Variants in SFXN1 observed in about 807,000 individuals in gnomAD.
The protein encoded by SFXN1 is sideroflexin 1.
A neutral mutation model predicts 39.5 loss-of-function variants in SFXN1; 32 were observed. That is an observed-to-expected ratio of 0.81 (90% CI 0.61 to 1.09). The LOEUF (loss-of-function observed/expected upper bound fraction) is 1.09. Ranked by LOEUF, SFXN1 falls within the 50% of genes least tolerant of loss-of-function variation. The pLI, the probability that SFXN1 is intolerant of heterozygous loss-of-function variation, is 0.00. For synonymous variants in SFXN1, 136 were observed against 146.5 expected (o/e 0.93, Z 0.52); for missense variants, 402 against 407.1 (o/e 0.99, Z 0.11).
chr5:175,526,518 C>G, intron 10 of SFXN1, 120 bp from the exon 11 acceptor site: 1 of 698,440 alleles, frequency 1.4e-6, no homozygotes, highest in East Asian at 2.6e-5. Context: ...AGCATTTCTC[C>G]AACAAGACCC....
rs962747318 is a variant in SFXN1, at chr5:175,510,036, T to C, written c.336-73T>C. The C allele has an allele frequency of 7.5e-6, 9 of 1,193,196 alleles. No individual in the cohort carries two copies. In the African/African-American group the frequency reaches 1.1e-4, roughly 14 times the overall value. 73.9% of individuals were successfully genotyped at this position (1,193,196 alleles called of 1,614,324 possible). A position where few individuals can be genotyped will look rare whatever the true frequency, so the allele number is the denominator to read the frequency against. ...AGTACGTCTCCTCTCTGGTTACTGG[T>C]GTTCACGTTTTCTGTTCCATGCCGC... is the stretch of plus-strand genomic sequence containing the variant. On this transcript the variant is annotated intron_variant, in intron 3 of 10. Coordinates refer to ENST00000321442, the MANE Select transcript of SFXN1 (RefSeq NM_022754.7).
At chr5:175,523,251 C>T (rs1760934887) in intron 10 of SFXN1, 1 of 152,258 alleles carries the variant, frequency 6.6e-6, no homozygotes, top group Non-Finnish European at 1.5e-5. Context: ...AAATTTAAAC[C>T]TCATGGACAG....
At chr5:175,516,948 T>C (rs1213534652) in intron 8 of SFXN1, among the ~76,000 whole-genome samples, 1 of 152,218 alleles carries the variant, frequency 6.6e-6, no homozygotes, top group African/African-American at 2.4e-5. Context: ...ATGATGTGAA[T>C]TTGGAATGAC....
At chr5:175,491,829 T>G (rs1185322053) in intron 1 of SFXN1, 6 of 285,936 alleles carry the variant, frequency 2.1e-5, no homozygotes, top group Non-Finnish European at 3.2e-5. Context: ...TAATTCTAGG[T>G]ATCCAACAAG....
intron 7 of SFXN1, among the ~76,000 whole-genome samples, chr5:175,515,554 G>T (rs1028571540): frequency 1.3e-5 from 2 of 152,120 alleles, no homozygotes; most frequent in Non-Finnish European, 2.9e-5. Context: ...GCTGTCCACC[G>T]CATACCCAGT....
intron 10 of SFXN1, among the ~76,000 whole-genome samples, chr5:175,524,565 A>C (rs898054930): frequency 5.3e-5 from 8 of 152,042 alleles, no homozygotes; most frequent in Non-Finnish European, 1.2e-4. Flanking sequence ...TATAGCTTTA[A>C]ATGTTTATAT....
In SFXN1 at chr5:175,510,217, C is replaced by G. The variant is rs565523734; in HGVS notation, c.434+10C>G. ...CACCCCTCACTGTCAAGTAAGGCTACGAGAATTGACCACTCTCTGCAGTTC... is the reference window on the plus strand; with the variant it reads ...CACCCCTCACTGTCAAGTAAGGCTAGGAGAATTGACCACTCTCTGCAGTTC... On this transcript the variant is annotated intron_variant, in intron 4 of 10. Transcript: ENST00000321442. The G allele has an allele frequency of 6.3e-7, 1 of 1,599,630 alleles. No individual in the cohort carries two copies. Among genetic ancestry groups the G allele is most frequent in the Non-Finnish European group, 8.5e-7 (1 of 1,170,140 alleles).
chr5:175,526,548 C>T, intron 10 of SFXN1, 90 bp from the exon 11 acceptor site: 2 of 999,138 alleles, frequency 2.0e-6, no homozygotes, highest in South Asian at 2.7e-5. Flanking sequence ...GTCCTGGGAT[C>T]TCCACACCTG....
At chr5:175,495,072 G>A (rs997336813) in intron 2 of SFXN1, among the ~76,000 whole-genome samples, 3 of 152,182 alleles carry the variant, frequency 2.0e-5, no homozygotes, top group Non-Finnish European at 4.4e-5. Context: ...ATGAACAAAT[G>A]TGCTCCCGCC....
chr5:175,516,958 CAT>C (rs756084072), intron 8 of SFXN1, among the ~76,000 whole-genome samples: 20 of 152,170 alleles, frequency 1.3e-4, no homozygotes, highest in South Asian at 2.1e-4. Context: ...TTTGGAATGA[CAT>C]GTGTACAAGT....
At chr5:175,506,257 A>G (rs1760288389) in intron 2 of SFXN1, among the ~76,000 whole-genome samples, 1 of 152,262 alleles carries the variant, frequency 6.6e-6, no homozygotes, top group Admixed American at 6.5e-5. Context: ...CTACCTGATT[A>G]CATAAAAATA....
At chr5:175,522,581 A>G (rs988271420) in intron 10 of SFXN1, 159 bp downstream of exon 10, 1 of 589,510 alleles carries the variant, frequency 1.7e-6, no homozygotes, top group African/African-American at 1.9e-5. Flanking sequence ...GCAGAAATCA[A>G]ACCCACATCT....
chr5:175,500,398 A>G (rs1483903289), intron 2 of SFXN1, among the ~76,000 whole-genome samples: 1 of 130,780 alleles, frequency 7.6e-6, no homozygotes, highest in Non-Finnish European at 1.5e-5. Flanking sequence ...AAATGCCTGT[A>G]CACCAACACA....
intron 2 of SFXN1, among the ~76,000 whole-genome samples, chr5:175,494,256 T>G (rs1759772749): frequency 1.3e-5 from 2 of 152,190 alleles, no homozygotes; most frequent in South Asian, 4.1e-4. Flanking sequence ...TATAAACTTT[T>G]AAAACTTCCA....
rs1364147195 is a variant in SFXN1 at position 175,522,369 on chromosome 5, T to C, written c.825-6T>C. ...TGGTCTGACTTTTTTTTGTATTTTT[T>C]TTAAGTTTGGTGTTTGCTACACCCC... On this transcript the variant is annotated splice_region_variant and splice_polypyrimidine_tract_variant and intron_variant, in intron 9 of 10. Transcript: ENST00000321442. 1 of 1,578,956 alleles carries C rather than the reference T, an allele frequency of 6.3e-7. No homozygotes were observed. Among genetic ancestry groups the C allele is most frequent in the Non-Finnish European group, 8.5e-7 (1 of 1,171,276 alleles).
chr5:175,486,194 G>A (rs13153383), intron 1 of SFXN1, among the ~76,000 whole-genome samples: 5 of 152,064 alleles, frequency 3.3e-5, no homozygotes, highest in African/African-American at 4.8e-5. Context: ...AAGTGGGGGG[G>A]CCTCCAAGAT....
chr5:175,523,591 G>A (rs1441750893), intron 10 of SFXN1: 1 of 152,140 alleles, frequency 6.6e-6, no homozygotes, highest in South Asian at 2.1e-4. Flanking sequence ...GATTGAAAGG[G>A]TTTTAGATTT....
At chr5:175,504,554 AC>A (rs1760214727) in intron 2 of SFXN1, among the ~76,000 whole-genome samples, 1 of 151,280 alleles carries the variant, frequency 6.6e-6, no homozygotes, top group Non-Finnish European at 1.5e-5. Flanking sequence ...CAGCCTGGCA[AC>A]AGAGCAAGAC....
rs1761127199 is a variant in SFXN1 at position 175,528,118 on chromosome 5, T to C, written c.*1384T>C. The C allele has an allele frequency of 6.6e-6, 1 of 152,048 alleles. No individual in the cohort carries two copies. The highest frequency in any genetic ancestry group is 1.5e-5 in the Non-Finnish European group (1 of 68,016). The allele number at this position is 152,048 out of a possible 1,614,324, so 9.4% of individuals were successfully genotyped here. ...TTGTATTTTTAGTAGAGACGGGGTT[T>C]CACTGTGGTCTCGATCTCCTGACCT... On this transcript the variant is annotated 3_prime_UTR_variant, in exon 11 of 11. Transcript: ENST00000321442.
Sources: gnomAD v4.1 joint callset for allele counts (sites outside exome capture counted in the v4.1 genomes callset) on GRCh38, gnomAD v4.1.1 for gene constraint, MANE v1.5 for transcripts, NCBI Gene and HGNC (gene_info 2026-07-23, HGNC 2026-07-21) for gene names.